The following PLXNA1 variants were observed in gnomAD, a reference collection of about 807,000 sequenced individuals.
The protein encoded by PLXNA1 is plexin A1.
PLXNA1 carries 77 observed loss-of-function variants against 191.7 expected under a neutral mutation model. The observed-to-expected ratio is 0.40, with a 90% CI of 0.33 to 0.49. The LOEUF is 0.49. Among genes scored for constraint, PLXNA1 ranks in the 20% least tolerant of loss-of-function variants. PLXNA1 has a pLI of 0.63. For synonymous variants in PLXNA1, 1,137 were observed against 1,156.4 expected (o/e 0.98, Z 0.34); for missense variants, 2,110 against 2,660.2 (o/e 0.79, Z 4.55).
rs1260393574 is a variant in PLXNA1 at position 127,032,307 on chromosome 3, C to T, written c.5232-80C>T. 53 of 1,416,360 alleles carry T rather than the reference C, an allele frequency of 3.7e-5. No individual in the cohort carries two copies. In the South Asian group the frequency reaches 5.5e-4, roughly 15 times the overall value. 87.7% of individuals were successfully genotyped at this position (1,416,360 alleles called of 1,614,324 possible). ...TGGAAAGCCATGCCCACTTTGGATT[C>T]GGAGCTGGGAGGGCCACAAGGTCAC... On this transcript the variant is annotated intron_variant, in intron 29 of 31. Transcript: ENST00000393409.
chr3:126,987,161 G>T (rs2078962869), intron 1 of PLXNA1, among the ~76,000 whole-genome samples: 1 of 152,338 alleles, frequency 6.6e-6, no homozygotes, highest in Middle Eastern at 3.4e-3. Context: ...GAGCTTTCAT[G>T]CCCCTTTTGC....
rs767692996 is a variant in PLXNA1, at chr3:127,015,267, C to T, written c.2961C>T (p.Asn987=). 2.4e-5 allele frequency: 39 copies of T among 1,612,698 alleles called. No homozygotes were observed. Among genetic ancestry groups the T allele is most frequent in the East Asian group, 8.9e-5 (4 of 44,836 alleles). ...TWIGIEGSHL[N]AGSDVAVSVG... is the part of the protein sequence containing the mutation. ...TTGGCATCGAGGGAAGCCACCTGAA[C>T]GCAGGCAGTGATGTGGCTGTGTCGG... The change falls in exon 15 of 32, where the codon AAC becomes AAT. Residue 987 remains asparagine, a synonymous_variant. Coordinates refer to ENST00000393409, the MANE Select transcript of PLXNA1 (RefSeq NM_032242.4).
At chr3:127,032,039 C>T (rs914753439) in intron 29 of PLXNA1, 31 of 296,476 alleles carry the variant, frequency 1.0e-4, no homozygotes, top group African/African-American at 6.1e-4. Context: ...GGTCTCAGTG[C>T]AGGAGCCATG....
intron 16 of PLXNA1, 89 bp from the exon 17 acceptor site, chr3:127,016,855 G>C: frequency 1.4e-6 from 2 of 1,403,744 alleles, no homozygotes; most frequent in Non-Finnish European, 2.0e-6. Context: ...GGGGAAGGCA[G>C]GCTTTGCCTG....
intron 3 of PLXNA1, among the ~76,000 whole-genome samples, chr3:127,001,492 T>C (rs1274615454): frequency 6.6e-6 from 1 of 152,146 alleles, no homozygotes; most frequent in Non-Finnish European, 1.5e-5. Flanking sequence ...GAGCTGGGGC[T>C]GGGCTTCACA....
intron 4 of PLXNA1, among the ~76,000 whole-genome samples, 167 bp downstream of exon 4, chr3:127,003,637 G>A (rs1327471348): frequency 6.6e-6 from 1 of 152,186 alleles, no homozygotes; most frequent in Non-Finnish European, 1.5e-5. Flanking sequence ...GCAGACTTGT[G>A]GGCTCGGCTG....
chr3:126,994,439 A>G (rs966765969), intron 3 of PLXNA1, among the ~76,000 whole-genome samples: 1 of 152,014 alleles, frequency 6.6e-6, no homozygotes, highest in African/African-American at 2.4e-5. Context: ...GGACCTTCAA[A>G]GCCTAACTTC....
Position 127,017,826 on chromosome 3 carries a change from C to T in PLXNA1, c.3594C>T (p.Thr1198=), listed in dbSNP as rs764134193. The change falls in exon 19 of 32, where the codon ACC becomes ACT. Residue 1198 remains threonine (T), a synonymous_variant. Coordinates refer to ENST00000393409, the MANE Select transcript of PLXNA1 (RefSeq NM_032242.4). ...TGCTCATCGGCTCCACACCCTGTAC[C>T]CTCACCGTGTCGGAGACGCAACTGC... is the stretch of plus-strand genomic sequence containing the variant. ...YTVLIGSTPC[T]LTVSETQLLC... is the part of the protein sequence containing the mutation. 2 of 1,613,056 alleles carry T rather than the reference C, an allele frequency of 1.2e-6. No homozygotes were observed. The highest frequency in any genetic ancestry group is 1.7e-6 in the Non-Finnish European group (2 of 1,180,022).
chr3:127,029,014 C>T lies in PLXNA1; in HGVS notation c.4691C>T (p.Ala1564Val), dbSNP rs200721943. 6.8e-6 allele frequency: 11 copies of T among 1,613,084 alleles called. No homozygotes were observed. The highest frequency in any genetic ancestry group is 5.3e-5 in the African/African-American group (4 of 74,936). Residue 1564 changes from alanine to valine, a missense_variant, in exon 26 of 32, where the codon GCG becomes GTG. This residue lies in a region of PLXNA1 where 559 missense variants were observed against 911.5 expected (regional missense o/e 0.61). Transcript: ENST00000393409. ...MDLEWRQGRMARIILQDEDVT... is the reference protein window; with the variant it reads ...MDLEWRQGRMVRIILQDEDVT... ...CCAGAGTGGCGCCAGGGCCGCATGG[C>T]GCGCATCATCCTGCAGGACGAGGAC... is the stretch of plus-strand genomic sequence containing the variant.
rs138171477 is a variant in PLXNA1, at chr3:127,014,596, G to A, written c.2723G>A (p.Ser908Asn). The change falls in exon 13 of 32, where the codon AGC becomes AAC. Residue 908 changes from serine to asparagine, a missense_variant. Transcript: ENST00000393409. ...GTGCGCGTGGGCAAGGTGCTGTGCAGCCCTGTGGAGAGCGAGTACATCAGT... is the reference window on the plus strand; with the variant it reads ...GTGCGCGTGGGCAAGGTGCTGTGCAACCCTGTGGAGAGCGAGTACATCAGT... The part of the protein sequence containing the change: ...LGVRVGKVLC[S>N]PVESEYISAE... 32 of 1,613,170 alleles carry A rather than the reference G, an allele frequency of 2.0e-5. No individual in the cohort carries two copies. Among genetic ancestry groups the A allele is most frequent in the Non-Finnish European group, 2.7e-5 (32 of 1,179,864 alleles).
intron 22 of PLXNA1, 131 bp downstream of exon 22, chr3:127,022,472 C>T (rs899333051): frequency 5.9e-6 from 7 of 1,184,046 alleles, no homozygotes; most frequent in Non-Finnish European, 8.2e-6. Context: ...CTCACCTGGC[C>T]TCTGAGGCTC....
At chr3:127,019,091 TCTGTTC>T (rs1478653454) in intron 20 of PLXNA1, among the ~76,000 whole-genome samples, 2 of 152,086 alleles carry the variant, frequency 1.3e-5, no homozygotes, top group South Asian at 4.2e-4. Flanking sequence ...GTGGCAGAAA[TCTGTTC>T]CATGCCGGGC....
At chr3:126,995,189 C>T (rs2079009440) in intron 3 of PLXNA1, among the ~76,000 whole-genome samples, 1 of 152,170 alleles carries the variant, frequency 6.6e-6, no homozygotes, top group African/African-American at 2.4e-5. Context: ...CTGGGGGTGC[C>T]CCTGTCCCCC....
rs1450597621 is a variant in PLXNA1 at position 127,032,355 on chromosome 3, T to C, written c.5232-32T>C. The C allele has an allele frequency of 1.9e-6, 3 of 1,604,322 alleles. No homozygotes were observed. The South Asian group carries it at 3.3e-5, about 18-fold the overall frequency. On this transcript the variant is annotated intron_variant, in intron 29 of 31. Transcript: ENST00000393409. ...CACTGCTCAGGAGGGAGCAGAGGCC[T>C]ATCTGAGCAGCGCCTGGACTCTCGC...
rs751146476 is a variant in PLXNA1 at position 127,014,166 on chromosome 3, G to A, written c.2411-16G>A. 9 of 1,611,680 alleles carry A rather than the reference G, an allele frequency of 5.6e-6. No individual in the cohort carries two copies. Among genetic ancestry groups the A allele is most frequent in the Admixed American group, 5.0e-5 (3 of 59,920 alleles). ...GGCAGTGGGCGGGCCCGAGCTGACC[G>A]CACCCCTCCCCACAGCGCACCTCTA... On this transcript the variant is annotated splice_polypyrimidine_tract_variant and intron_variant, in intron 11 of 31. Coordinates refer to ENST00000393409, the MANE Select transcript of PLXNA1 (RefSeq NM_032242.4).
Position 127,003,362 on chromosome 3 carries a change from G to T in PLXNA1, c.1410G>T (p.Arg470=), listed in dbSNP as rs751948520. ...ILVDLSNPGG[R]PALAYESVVA... ...TGGACCTCTCAAACCCCGGTGGCCG[G>T]CCTGCCCTGGCCTACGAGAGCGTCG... Residue 470 remains arginine (R), a synonymous_variant, in exon 4 of 32, where the codon CGG becomes CGT. Coordinates refer to ENST00000393409, the MANE Select transcript of PLXNA1 (RefSeq NM_032242.4). 2 of 1,609,410 alleles carry T rather than the reference G, an allele frequency of 1.2e-6. No homozygotes were observed. Among genetic ancestry groups the T allele is most frequent in the Non-Finnish European group, 1.7e-6 (2 of 1,177,482 alleles).
rs2079185595 is a variant in PLXNA1 at position 127,028,063 on chromosome 3, C to A, written c.4486C>A (p.Gln1496Lys). 6.2e-7 allele frequency: 1 copy of A among 1,613,920 alleles called. No homozygotes were observed. Among genetic ancestry groups the A allele is most frequent in the Admixed American group, 1.7e-5 (1 of 60,012 alleles). ...YSLSEDKLIR[Q>K]QIDYKTLTLN... ...CCTGAGTGAGGACAAGCTCATCCGG[C>A]AGCAGATTGACTACAAGACACTGGT... Residue 1496 changes from glutamine (Q) to lysine (K), a missense_variant, in exon 24 of 32, where the codon CAG becomes AAG. Physicochemically the swap from Gln to Lys is moderately conservative, Grantham distance 53. Coordinates refer to ENST00000393409, the MANE Select transcript of PLXNA1 (RefSeq NM_032242.4).
Position 127,003,360 on chromosome 3 carries a change from C to T in PLXNA1, c.1408C>T (p.Arg470Trp), listed in dbSNP as rs139335831. ...GGTGGACCTCTCAAACCCCGGTGGC[C>T]GGCCTGCCCTGGCCTACGAGAGCGT... is the stretch of plus-strand genomic sequence containing the variant. ...ILVDLSNPGG[R>W]PALAYESVVA... Residue 470 changes from arginine (R) to tryptophan (W), a missense_variant, in exon 4 of 32, where the codon CGG becomes TGG. By Grantham distance (101) the Arg-to-Trp change is moderately radical. Coordinates refer to ENST00000393409, the MANE Select transcript of PLXNA1 (RefSeq NM_032242.4). The T allele has an allele frequency of 1.9e-5, 30 of 1,608,130 alleles. No homozygotes were observed. Among genetic ancestry groups the T allele is most frequent in the Non-Finnish European group, 2.4e-5 (28 of 1,176,570 alleles).
At chr3:126,985,467 A>G (rs1576665640) in intron 1 of PLXNA1, among the ~76,000 whole-genome samples, 1 of 149,160 alleles carries the variant, frequency 6.7e-6, no homozygotes, top group Admixed American at 6.6e-5. Flanking sequence ...AGTGTTTCCC[A>G]CCCCAGGCCT....
Sources: allele counts gnomAD v4.1 joint callset (sites outside exome capture counted in the v4.1 genomes callset), GRCh38; gene constraint gnomAD v4.1.1; regional missense constraint gnomAD v4.1.1; transcripts MANE v1.5; gene names NCBI Gene and HGNC (gene_info 2026-07-23, HGNC 2026-07-21).